Variants in CYTH1 observed in about 807,000 individuals in gnomAD.
The protein encoded by CYTH1 is cytohesin 1.
Under a neutral mutation model 61.8 loss-of-function variants are expected in CYTH1, and 18 were observed. That is an observed-to-expected ratio of 0.29 (90% CI 0.20 to 0.43). CYTH1 has a LOEUF of 0.43. Ranked by LOEUF, CYTH1 falls within the 20% of genes least tolerant of loss-of-function variation. The probability of loss-of-function intolerance (pLI) is 1.00; values close to 1 mark genes in which losing one functional copy is unlikely to be tolerated. For missense variants in CYTH1, 336 were observed against 510.5 expected (o/e 0.66, Z 3.29); for synonymous variants, 174 against 184.3 (o/e 0.94, Z 0.45).
chr17:78,735,332 A>AGTAAGCGTGAGGGACCATGGCCAGGCCCG (rs2093315706), intron 1 of CYTH1, among the ~76,000 whole-genome samples: 1 of 152,196 alleles, frequency 6.6e-6, no homozygotes, highest in Non-Finnish European at 1.5e-5. Flanking sequence ...ACCAGAAGCA[A>AGTAAGCGTGAGGGACCATGGCCAGGCCCG]GTAAGCGTGA....
At chr17:78,775,694 T>C (rs978170470) in intron 1 of CYTH1, among the ~76,000 whole-genome samples, 1 of 152,198 alleles carries the variant, frequency 6.6e-6, no homozygotes, top group Admixed American at 6.5e-5. Context: ...TTTGCAGACG[T>C]CTCTTCCTTT....
intron 1 of CYTH1, among the ~76,000 whole-genome samples, chr17:78,776,986 G>A (rs145493901): frequency 1.3e-4 from 19 of 152,000 alleles, no homozygotes; most frequent in Non-Finnish European, 2.6e-4. Flanking sequence ...TTAGCCAGGC[G>A]TGGTGACGCA....
intron 3 of CYTH1, among the ~76,000 whole-genome samples, chr17:78,704,123 C>T (rs2093041308): frequency 6.6e-6 from 1 of 152,222 alleles, no homozygotes; most frequent in Admixed American, 6.5e-5. Context: ...CGTGAAGACG[C>T]TCCGCTCGTT....
rs1225522220 is a variant in CYTH1, at chr17:78,760,471, GTA to G, written c.22+21729_22+21730del. ...TATATATATACATACATATATATAT[GTA>G]TATATATGTATGTATATATATATAC... On this transcript the variant is annotated intron_variant, in intron 1 of 13. Coordinates refer to ENST00000446868, the MANE Select transcript of CYTH1 (RefSeq NM_004762.6). Among the ~76,000 whole-genome samples the G allele has an allele frequency of 5.7e-3, 153 of 26,826 alleles. 15 individuals are homozygous for G. The highest frequency in any genetic ancestry group is 0.049 in the South Asian group (47 of 964). The allele number at this position is 26,826 out of a possible 152,430, so 17.6% of individuals were successfully genotyped here.
chr17:78,776,046 T>C lies in CYTH1; in HGVS notation c.22+6156A>G, dbSNP rs543165222. ...GGCACATGCCTGTAATCCCAGCTAC[T>C]TGGGAAGCTGAGACAGGAGAATCAC... is the stretch of plus-strand genomic sequence containing the variant. On this transcript the variant is annotated intron_variant, in intron 1 of 13. Coordinates refer to ENST00000446868, the MANE Select transcript of CYTH1 (RefSeq NM_004762.6). Among the ~76,000 whole-genome samples, 4 of 152,134 alleles carry C rather than the reference T, an allele frequency of 2.6e-5. No individual in the cohort carries two copies. The South Asian group carries it at 8.3e-4, about 32-fold the overall frequency.
At chr17:78,692,023 G>A (rs1156732015) in intron 11 of CYTH1, 2 of 169,942 alleles carry the variant, frequency 1.2e-5, no homozygotes, top group East Asian at 3.6e-4. Context: ...CAGAATAGGT[G>A]AATTTTCTAA....
intron 1 of CYTH1, among the ~76,000 whole-genome samples, chr17:78,774,047 GT>G (rs1317487634): frequency 2.0e-5 from 3 of 151,568 alleles, no homozygotes; most frequent in Non-Finnish European, 4.4e-5. Flanking sequence ...AATTCAGTTT[GT>G]TTGCTTGTTT....
At chr17:78,776,882 T>C (rs1421744843) in intron 1 of CYTH1, among the ~76,000 whole-genome samples, 1 of 151,716 alleles carries the variant, frequency 6.6e-6, no homozygotes, top group African/African-American at 2.4e-5. Flanking sequence ...TCCCAGCACT[T>C]TGGGAGGCCT....
intron 1 of CYTH1, among the ~76,000 whole-genome samples, chr17:78,726,090 C>A (rs532959922): frequency 6.9e-6 from 1 of 145,318 alleles, no homozygotes; most frequent in Non-Finnish European, 1.5e-5. Flanking sequence ...GTCACCCAGG[C>A]TGGAGTGCAG....
chr17:78,739,366 G>A (rs1015155253), intron 1 of CYTH1, among the ~76,000 whole-genome samples: 13 of 152,216 alleles, frequency 8.5e-5, no homozygotes, highest in African/African-American at 2.2e-4. Flanking sequence ...CCACTCTAAC[G>A]AGATGGGAAA....
rs1018783100 is a variant in CYTH1, at chr17:78,680,285, G to A, written c.1023C>T (p.Thr341=). 5.0e-6 allele frequency: 8 copies of A among 1,613,994 alleles called. No homozygotes were observed. The highest frequency in any genetic ancestry group is 3.3e-5 in the Admixed American group (2 of 59,990). ...NKDQVIKACK[T]EADGRVVEGN... Reference sequence around the variant, plus strand: ...CCTCCACCACCCGCCCGTCAGCCTCGGTCTTGCAGGCCTTGATAACTTGGT... The same window carrying A: ...CCTCCACCACCCGCCCGTCAGCCTCAGTCTTGCAGGCCTTGATAACTTGGT... Residue 341 remains threonine, a synonymous_variant, in exon 13 of 14, where the codon ACC becomes ACT. Coordinates refer to ENST00000446868, the MANE Select transcript of CYTH1 (RefSeq NM_004762.6).
At chr17:78,751,606 T>C (rs1298048038) in intron 1 of CYTH1, among the ~76,000 whole-genome samples, 1 of 152,232 alleles carries the variant, frequency 6.6e-6, no homozygotes, top group African/African-American at 2.4e-5. Context: ...ACTGCATTTT[T>C]CACTGCTCTG....
chr17:78,726,410 CCT>C (rs1371837112), intron 1 of CYTH1, among the ~76,000 whole-genome samples: 1 of 150,676 alleles, frequency 6.6e-6, no homozygotes, highest in Non-Finnish European at 1.5e-5. Context: ...GAAGAGGCCC[CCT>C]GTCAGTTACT....
intron 10 of CYTH1, among the ~76,000 whole-genome samples, chr17:78,693,641 GA>G (rs78280345): frequency 1.8e-3 from 243 of 138,700 alleles, no homozygotes; most frequent in Middle Eastern, 7.4e-3. Context: ...AAAAAAAAAA[GA>G]AAAAAAAAAA....
intron 1 of CYTH1, among the ~76,000 whole-genome samples, chr17:78,781,948 C>G (rs1204344460): frequency 6.6e-6 from 1 of 151,314 alleles, no homozygotes; most frequent in African/African-American, 2.4e-5. Context: ...GGCCTGTGAC[C>G]CCCGCCCCAG....
intron 1 of CYTH1, among the ~76,000 whole-genome samples, chr17:78,745,586 A>T (rs1471854293): frequency 6.6e-6 from 1 of 152,186 alleles, no homozygotes; most frequent in East Asian, 1.9e-4. Flanking sequence ...TTGACATAGA[A>T]ATTGCACCAA....
chr17:78,712,001 C>G (rs1205805019), intron 1 of CYTH1, among the ~76,000 whole-genome samples: 1 of 151,660 alleles, frequency 6.6e-6, no homozygotes, highest in African/African-American at 2.4e-5. Flanking sequence ...ATTGCTTGAG[C>G]CTGGGGTGCA....
At chr17:78,754,637 C>T (rs2093393748) in intron 1 of CYTH1, among the ~76,000 whole-genome samples, 1 of 152,158 alleles carries the variant, frequency 6.6e-6, no homozygotes, top group Non-Finnish European at 1.5e-5. Context: ...TGTGAGCCAT[C>T]ATGCCCAGCC....
chr17:78,769,719 T>C (rs2093462913), intron 1 of CYTH1, among the ~76,000 whole-genome samples: 1 of 152,144 alleles, frequency 6.6e-6, no homozygotes, highest in South Asian at 2.1e-4. Flanking sequence ...AAACTACTCA[T>C]AGAAACCAAT....
Sources: allele counts gnomAD v4.1 joint callset (sites outside exome capture counted in the v4.1 genomes callset), GRCh38; gene constraint gnomAD v4.1.1; transcripts MANE v1.5; gene names NCBI Gene and HGNC (gene_info 2026-07-23, HGNC 2026-07-21).